The following ARHGAP6 variants were observed in gnomAD, a reference collection of about 807,000 sequenced individuals.
The protein encoded by ARHGAP6 is Rho GTPase activating protein 6, also known as rho GTPase-activating protein 6.
Under a neutral mutation model 55.7 loss-of-function variants are expected in ARHGAP6, and 16 were observed. The ratio of observed to expected loss-of-function variants is 0.29; its 90% confidence interval spans 0.19 to 0.44. The LOEUF (loss-of-function observed/expected upper bound fraction) is 0.44. ARHGAP6 is among the 20% of genes least tolerant of loss of function. ARHGAP6 has a pLI of 1.00. For synonymous variants in ARHGAP6, 382 were observed against 360.9 expected, an observed-to-expected ratio of 1.06 and a Z score of -0.66; for missense variants, 698 against 808.9, an observed-to-expected ratio of 0.86 and a Z score of 1.66.
At chrX:11,357,867 T>C (rs2048951761) in intron 1 of ARHGAP6, among the ~76,000 whole-genome samples, 1 of 112,307 alleles carries the variant, frequency 8.9e-6, no homozygotes, top group African/African-American at 3.2e-5. Context: ...TGAGTCTTAA[T>C]TATATCTTTC....
At chrX:11,324,652 A>G (rs2048476707) in intron 1 of ARHGAP6, among the ~76,000 whole-genome samples, 1 of 111,711 alleles carries the variant, frequency 9.0e-6, no homozygotes, top group Non-Finnish European at 1.9e-5. Context: ...AAAATAAAAA[A>G]GATTGCAATG....
chrX:11,287,005 T>C (rs931071965), intron 1 of ARHGAP6, among the ~76,000 whole-genome samples: 1 of 112,147 alleles, frequency 8.9e-6, no homozygotes, highest in Admixed American at 9.4e-5. Context: ...GCAAACTTTG[T>C]AAATACATTA....
intron 1 of ARHGAP6, among the ~76,000 whole-genome samples, chrX:11,311,854 T>TG (rs1244699944): frequency 2.7e-5 from 3 of 111,156 alleles, no homozygotes; most frequent in African/African-American, 6.5e-5. Flanking sequence ...GGGAAAAAAG[T>TG]GGGGGGAAAT....
At chrX:11,652,935 T>G (rs57216655) in intron 1 of ARHGAP6, among the ~76,000 whole-genome samples, 15,698 of 111,267 alleles carry the variant, frequency 0.14, 1,015 homozygotes, top group Middle Eastern at 0.27. Flanking sequence ...GCTAATGGAG[T>G]TTACATTTAG....
chrX:11,178,196 T>C lies in ARHGAP6; in HGVS notation c.1533A>G (p.Leu511=), dbSNP rs762554400. ...LGTLQLLIYL[L]PPCNCDTLHR... Reference sequence around the variant, plus strand: ...GGAGGGTGTCGCAGTTGCAGGGAGGTAGAAGGTATATGAGGAGCTGCAAGG... The same window carrying C: ...GGAGGGTGTCGCAGTTGCAGGGAGGCAGAAGGTATATGAGGAGCTGCAAGG... Residue 511 remains leucine (L), a synonymous_variant, in exon 8 of 13, where the codon CTA becomes CTG. Coordinates refer to ENST00000337414, the MANE Select transcript of ARHGAP6 (RefSeq NM_013427.3). 3 of 1,206,989 alleles carry C rather than the reference T, an allele frequency of 2.5e-6. No individual in the cohort carries two copies. The highest frequency in any genetic ancestry group is 5.9e-5 in the East Asian group (2 of 33,682).
chrX:11,315,877 A>G (rs1297538756), intron 1 of ARHGAP6, among the ~76,000 whole-genome samples: 1 of 111,869 alleles, frequency 8.9e-6, no homozygotes, highest in East Asian at 2.8e-4. Flanking sequence ...CTATGCACTG[A>G]TAGTTACCTA....
chrX:11,249,509 A>T (rs1382058442), intron 2 of ARHGAP6, among the ~76,000 whole-genome samples: 4 of 111,804 alleles, frequency 3.6e-5, no homozygotes, highest in Non-Finnish European at 7.5e-5. Context: ...CCAACAGTGT[A>T]TGAGAGTGTT....
intron 1 of ARHGAP6, among the ~76,000 whole-genome samples, chrX:11,291,659 C>A (rs1393282443): frequency 3.6e-5 from 4 of 111,137 alleles, no homozygotes; most frequent in Non-Finnish European, 7.6e-5. Flanking sequence ...TTGCTGTACA[C>A]CCCTGCCAAT....
chrX:11,209,229 C>A (rs1182390483), intron 2 of ARHGAP6, among the ~76,000 whole-genome samples: 1 of 112,336 alleles, frequency 8.9e-6, no homozygotes. Flanking sequence ...GCAACCTCTG[C>A]CTCCTGGGTT....
intron 1 of ARHGAP6, among the ~76,000 whole-genome samples, chrX:11,566,895 T>C (rs1344385104): frequency 8.9e-6 from 1 of 111,781 alleles, no homozygotes; most frequent in East Asian, 2.8e-4. Context: ...AAGTTATGGC[T>C]TACAGCATGC....
chrX:11,446,281 T>C (rs1226506312), intron 1 of ARHGAP6, among the ~76,000 whole-genome samples: 2 of 111,671 alleles, frequency 1.8e-5, no homozygotes, highest in South Asian at 3.7e-4. Context: ...ACTTCTGGTA[T>C]CTTTTTTTAA....
intron 1 of ARHGAP6, among the ~76,000 whole-genome samples, chrX:11,604,907 G>T (rs924562721): frequency 8.9e-6 from 1 of 111,970 alleles, no homozygotes; most frequent in Non-Finnish European, 1.9e-5. Context: ...TTCAGAGGAA[G>T]TGTAATCTTT....
At chrX:11,555,385 AG>A (rs1435825461) in intron 1 of ARHGAP6, among the ~76,000 whole-genome samples, 1 of 111,026 alleles carries the variant, frequency 9.0e-6, no homozygotes, top group Non-Finnish European at 1.9e-5. Flanking sequence ...GGAGGGAGAG[AG>A]GGGTGCACAG....
intron 1 of ARHGAP6, among the ~76,000 whole-genome samples, chrX:11,375,010 G>T (rs1014407601): frequency 1.6e-4 from 18 of 112,137 alleles, no homozygotes; most frequent in African/African-American, 5.8e-4. Context: ...AGAAAGTATT[G>T]TATTTTATTC....
intron 2 of ARHGAP6, among the ~76,000 whole-genome samples, chrX:11,239,115 G>A (rs2147455598): frequency 9.0e-6 from 1 of 110,791 alleles, no homozygotes; most frequent in Admixed American, 9.6e-5. Flanking sequence ...AATGTACCAA[G>A]GTAATACATT....
At chrX:11,292,961 T>C (rs2048020001) in intron 1 of ARHGAP6, among the ~76,000 whole-genome samples, 1 of 111,839 alleles carries the variant, frequency 8.9e-6, no homozygotes, top group South Asian at 3.8e-4. Flanking sequence ...GAGAGAGCTT[T>C]GGGGTTTTAC....
chrX:11,148,801 C>T (rs976562246), intron 10 of ARHGAP6: 54 of 308,635 alleles, frequency 1.7e-4, no homozygotes, highest in African/African-American at 1.2e-3. Flanking sequence ...GCAAGAAGAA[C>T]TGTGGAGGTT....
intron 1 of ARHGAP6, among the ~76,000 whole-genome samples, chrX:11,574,389 G>A (rs1464920677): frequency 9.2e-6 from 1 of 108,994 alleles, no homozygotes; most frequent in Non-Finnish European, 1.9e-5. Flanking sequence ...GATCAAGTGG[G>A]CTTCATCCCT....
chrX:11,413,340 G>A (rs776765275), intron 1 of ARHGAP6, among the ~76,000 whole-genome samples: 4 of 112,389 alleles, frequency 3.6e-5, no homozygotes, highest in South Asian at 3.7e-4. Flanking sequence ...AAATGATAGC[G>A]GGAGGCCATG....
Sources: gnomAD v4.1 joint callset for allele counts (sites outside exome capture counted in the v4.1 genomes callset) on GRCh38, gnomAD v4.1.1 for gene constraint, MANE v1.5 for transcripts, NCBI Gene and HGNC (gene_info 2026-07-23, HGNC 2026-07-21) for gene names.